Variants in ACYP2 observed in about 807,000 individuals in gnomAD.
The protein encoded by ACYP2 is acylphosphatase 2.
ACYP2 carries 12 observed loss-of-function variants against 11.2 expected under a neutral mutation model. That is an observed-to-expected ratio of 1.08 (90% CI 0.69 to 1.74). ACYP2 has a LOEUF of 1.74. ACYP2 is among the 40% of genes most tolerant of loss of function. ACYP2 has a pLI of 0.00. For missense variants in ACYP2, 134 were observed against 101.9 expected (o/e 1.31, Z -1.35); for synonymous variants, 43 against 32.2 (o/e 1.33, Z -1.13).
intron 6 of ACYP2, among the ~76,000 whole-genome samples, chr2:54,260,692 G>A (rs1001472551): frequency 2.0e-5 from 3 of 152,128 alleles, no homozygotes; most frequent in African/African-American, 7.2e-5. Flanking sequence ...AGAATGACCT[G>A]CAAGGGATTA....
At chr2:54,074,923 A>G (rs1677248527) in intron 4 of ACYP2, among the ~76,000 whole-genome samples, 1 of 152,186 alleles carries the variant, frequency 6.6e-6, no homozygotes. Context: ...TCGTAATCTC[A>G]CCCAAAATAC....
intron 4 of ACYP2, among the ~76,000 whole-genome samples, chr2:54,102,755 A>G (rs910965600): frequency 2.0e-5 from 3 of 149,228 alleles, no homozygotes; most frequent in Non-Finnish European, 4.4e-5. Flanking sequence ...TATCATCAGG[A>G]CTTGCTTTTT....
intron 2 of ACYP2, chr2:54,029,432 CACAT>C (rs1414721394): frequency 4.5e-6 from 1 of 221,800 alleles, no homozygotes; most frequent in Non-Finnish European, 8.9e-6. Flanking sequence ...TATATATACA[CACAT>C]ATGTATATAT....
At chr2:54,244,727 GTTTTA>G (rs1686876287) in intron 6 of ACYP2, among the ~76,000 whole-genome samples, 1 of 150,668 alleles carries the variant, frequency 6.6e-6, no homozygotes. Flanking sequence ...TGAAATCCTT[GTTTTA>G]TTTTTTTCTG....
At chr2:54,026,927 G>A (rs1674319029) in intron 2 of ACYP2, among the ~76,000 whole-genome samples, 1 of 152,100 alleles carries the variant, frequency 6.6e-6, no homozygotes, top group Non-Finnish European at 1.5e-5. Flanking sequence ...AGGGGAGCGA[G>A]GGATAAAAGA....
At position 53,976,741 on chromosome 2, in the gene ACYP2, A is replaced by G. The variant is rs907013950; in HGVS notation, c.62+2931A>G. ...AAAATCATTTTCATCCAGCCATTGT[A>G]TCTACTTCACTTCATTTGAACTAGA... On this transcript the variant is annotated intron_variant, in intron 2 of 6. Transcript: ENST00000607452. Among the ~76,000 whole-genome samples, 24 of 152,150 alleles carry G rather than the reference A, an allele frequency of 1.6e-4. 1 individual carries two copies. Among genetic ancestry groups the G allele is most frequent in the Admixed American group, 9.2e-4 (14 of 15,270 alleles).
chr2:54,063,929 G>A (rs148395054), intron 4 of ACYP2, among the ~76,000 whole-genome samples: 2 of 152,320 alleles, frequency 1.3e-5, no homozygotes, highest in East Asian at 3.9e-4. Context: ...TAGCTGGAGC[G>A]TAGAGAAGGA....
At chr2:54,000,911 T>A (rs1672765468) in intron 2 of ACYP2, among the ~76,000 whole-genome samples, 1 of 152,244 alleles carries the variant, frequency 6.6e-6, no homozygotes, top group South Asian at 2.1e-4. Flanking sequence ...GTGAGTTTTG[T>A]CCACTAATGC....
chr2:54,184,465 T>C (rs1683883987), intron 6 of ACYP2, among the ~76,000 whole-genome samples: 1 of 152,094 alleles, frequency 6.6e-6, no homozygotes, highest in Non-Finnish European at 1.5e-5. Flanking sequence ...GACTTCCAGT[T>C]ATATAAACCA....
intron 2 of ACYP2, chr2:53,975,515 A>G (rs186172024): frequency 1.1e-4 from 42 of 375,666 alleles, no homozygotes; most frequent in Non-Finnish European, 1.7e-4. Flanking sequence ...AGGTCAGGAG[A>G]CACTGCCAAA....
chr2:54,300,554 G>A (rs912421386), intron 6 of ACYP2, among the ~76,000 whole-genome samples: 7 of 152,220 alleles, frequency 4.6e-5, no homozygotes, highest in Non-Finnish European at 7.3e-5. Context: ...TTAAGTCTTG[G>A]CTAAGGTCTT....
intron 4 of ACYP2, chr2:54,123,284 G>A: frequency 2.5e-6 from 1 of 398,490 alleles, no homozygotes; most frequent in Non-Finnish European, 4.4e-6. Flanking sequence ...CAGTCATTTA[G>A]TTCTACTTGC....
rs35059715 is a variant in ACYP2 at position 54,132,744 on chromosome 2, ATTT to A, written c.278-2693_278-2691del. 8.0e-3 allele frequency among the ~76,000 whole-genome samples: 1,095 copies of A among 136,312 alleles called. 7 individuals carry two copies. Among genetic ancestry groups the A allele is most frequent in the African/African-American group, 0.028 (1,020 of 36,864 alleles). 89.4% of individuals were successfully genotyped at this position (136,312 alleles called of 152,430 possible). A position where few individuals can be genotyped will look rare whatever the true frequency, so the allele number is the denominator to read the frequency against. ...ACCTTTTATAGTGTACAATTGAATGATTTTTTTTTTTTTTTTTTGAGACTGAGT... is the reference window on the plus strand; with the variant it reads ...ACCTTTTATAGTGTACAATTGAATGATTTTTTTTTTTTTTTGAGACTGAGT... On this transcript the variant is annotated intron_variant, in intron 4 of 6. Transcript: ENST00000607452.
Position 53,973,712 on chromosome 2 carries a change from G to C in ACYP2, c.-36-1G>C. 3.4e-6 allele frequency: 1 copy of C among 293,238 alleles called. No individual in the cohort carries two copies. The highest frequency in any genetic ancestry group is 5.1e-5 in the Admixed American group (1 of 19,776). 18.2% of individuals were successfully genotyped at this position (293,238 alleles called of 1,614,324 possible). A position where few individuals can be genotyped will look rare whatever the true frequency, so the allele number is the denominator to read the frequency against. On this transcript the variant is annotated splice_acceptor_variant, in intron 1 of 6. Transcript: ENST00000607452. LOFTEE classifies it low-confidence loss of function (5UTR_SPLICE). ...ACACCCTTTGCTGACTCCTTTTTCA[G>C]ACTCAGCCTGCCTGCACCCAGGTGA...
At chr2:54,190,259 T>A (rs1684186927) in intron 6 of ACYP2, among the ~76,000 whole-genome samples, 2 of 152,164 alleles carry the variant, frequency 1.3e-5, no homozygotes, top group Admixed American at 6.5e-5. Flanking sequence ...GAGCTTTTGG[T>A]GTGATATCCA....
At chr2:54,114,512 C>T (rs1359686105) in intron 4 of ACYP2, among the ~76,000 whole-genome samples, 5 of 151,996 alleles carry the variant, frequency 3.3e-5, no homozygotes, top group East Asian at 1.9e-4. Context: ...GGTGAAACCC[C>T]GTCTCCACTA....
At chr2:54,231,845 G>A (rs934990553) in intron 6 of ACYP2, among the ~76,000 whole-genome samples, 4 of 152,182 alleles carry the variant, frequency 2.6e-5, no homozygotes, top group Non-Finnish European at 4.4e-5. Context: ...GCTATCTGCA[G>A]TTAGTGATTT....
At chr2:54,256,199 G>A (rs777609052) in intron 6 of ACYP2, 38 of 1,548,878 alleles carry the variant, frequency 2.5e-5, no homozygotes, top group South Asian at 5.0e-5. Flanking sequence ...GCCAGAGGTA[G>A]GTAGCGTCAA....
chr2:53,994,512 CAG>C (rs1491219299), intron 2 of ACYP2, among the ~76,000 whole-genome samples: 3,821 of 30,402 alleles, frequency 0.13, 363 homozygotes, highest in African/African-American at 0.3. Flanking sequence ...GAGTAAGACT[CAG>C]AAAAAAAAAA....
Sources: gnomAD v4.1 joint callset for allele counts (sites outside exome capture counted in the v4.1 genomes callset) on GRCh38, gnomAD v4.1.1 for gene constraint, MANE v1.5 for transcripts, NCBI Gene and HGNC (gene_info 2026-07-23, HGNC 2026-07-21) for gene names.